The following LYZL4 variants were observed in gnomAD, a reference collection of about 807,000 sequenced individuals.
LYZL4 encodes the protein lysozyme-like protein 4.
LYZL4 carries 13 observed loss-of-function variants against 17.6 expected under a neutral mutation model. The ratio of observed to expected loss-of-function variants is 0.74; its 90% CI spans 0.48 to 1.18. The LOEUF is 1.18. Ranked by LOEUF, LYZL4 falls within the 50% of genes most tolerant of loss-of-function variation. The pLI is 0.00. For missense variants in LYZL4, 174 were observed against 188.2 expected (o/e 0.92, Z 0.44); for synonymous variants, 64 against 67.7 (o/e 0.95, Z 0.27).
the LYZL4 span, among the ~76,000 whole-genome samples, chr3:42,380,431 A>T: frequency 6.6e-6 from 1 of 152,230 alleles, no homozygotes; most frequent in African/African-American, 2.4e-5. Context: ...CAGCCCTTGC[A>T]TTTACCAAGT....
At position 42,399,660 on chromosome 3, in the gene LYZL4, A is replaced by C. The variant is rs1189084050; in HGVS notation, c.372-2326T>G. Among the ~76,000 whole-genome samples the C allele has an allele frequency of 2.0e-5, 3 of 152,176 alleles. No individual in the cohort carries two copies. The East Asian group carries it at 5.8e-4, about 29-fold the overall frequency. On this transcript the variant is annotated intron_variant, in intron 4 of 4. Coordinates refer to ENST00000287748, the MANE Select transcript of LYZL4 (RefSeq NM_144634.4). Reference sequence around the variant, plus strand: ...TTTTCTCTGATTTCTAAGAATATTAACACTGGTGCCCTTGAGGAGGCTGCT... The same window carrying C: ...TTTTCTCTGATTTCTAAGAATATTACCACTGGTGCCCTTGAGGAGGCTGCT...
chr3:42,378,972 G>A, the LYZL4 span, among the ~76,000 whole-genome samples: 1 of 152,126 alleles, frequency 6.6e-6, no homozygotes. Flanking sequence ...CAGAGCTTAA[G>A]TGCTTAATCT....
chr3:42,363,294 T>C, the LYZL4 span, among the ~76,000 whole-genome samples: 2 of 152,182 alleles, frequency 1.3e-5, no homozygotes, highest in East Asian at 3.8e-4. Flanking sequence ...AATTTGGGTC[T>C]AATGTTGGGT....
the LYZL4 span, among the ~76,000 whole-genome samples, chr3:42,379,259 C>G: frequency 1.3e-5 from 2 of 152,188 alleles, no homozygotes; most frequent in Non-Finnish European, 2.9e-5. Context: ...GCTGTTCATT[C>G]TTCTCCACTT....
the LYZL4 span, among the ~76,000 whole-genome samples, chr3:42,374,234 G>A: frequency 1.3e-5 from 2 of 152,310 alleles, no homozygotes; most frequent in African/African-American, 2.4e-5. Flanking sequence ...GGCACTGAAA[G>A]GTTGATCGAT....
chr3:42,366,116 G>A, the LYZL4 span, among the ~76,000 whole-genome samples: 1 of 152,012 alleles, frequency 6.6e-6, no homozygotes, highest in Non-Finnish European at 1.5e-5. Context: ...CAGGCCACTA[G>A]ATAAAAGGCC....
chr3:42,397,544 C>T (rs1391245259), intron 4 of LYZL4, among the ~76,000 whole-genome samples: 1 of 152,204 alleles, frequency 6.6e-6, no homozygotes, highest in Non-Finnish European at 1.5e-5. Flanking sequence ...CTTCCTCCAT[C>T]CTAGTGCCCA....
the LYZL4 span, among the ~76,000 whole-genome samples, chr3:42,389,433 C>T: frequency 5.0e-4 from 76 of 152,286 alleles, no homozygotes; most frequent in Non-Finnish European, 8.7e-4. Flanking sequence ...GCACCACAGG[C>T]GCAATGGTAA....
the LYZL4 span, among the ~76,000 whole-genome samples, chr3:42,380,206 C>A: frequency 1.3e-5 from 2 of 152,236 alleles, no homozygotes; most frequent in African/African-American, 2.4e-5. Context: ...GATTCATCAC[C>A]TATGGCTAGG....
chr3:42,407,895 C>T (rs1698787971), intron 1 of LYZL4, among the ~76,000 whole-genome samples: 1 of 152,112 alleles, frequency 6.6e-6, no homozygotes, highest in African/African-American at 2.4e-5. Context: ...ATGAGACAAG[C>T]CCAGACCTGC....
the LYZL4 span, among the ~76,000 whole-genome samples, chr3:42,372,360 T>G: frequency 6.6e-6 from 1 of 152,134 alleles, no homozygotes; most frequent in Non-Finnish European, 1.5e-5. Flanking sequence ...GTCTGACATA[T>G]AGTGATGGTT....
At chr3:42,393,740 G>A (rs546856220), downstream of LYZL4, among the ~76,000 whole-genome samples, 1 of 152,298 alleles carries the variant, frequency 6.6e-6, no homozygotes, top group African/African-American at 2.4e-5. Context: ...TATGGATTCA[G>A]TAGGTCAGAC....
the LYZL4 span, among the ~76,000 whole-genome samples, chr3:42,388,408 G>A: frequency 1.7e-4 from 26 of 152,196 alleles, no homozygotes; most frequent in African/African-American, 5.8e-4. Flanking sequence ...CACGGCTGGT[G>A]AGCAACAGCA....
At chr3:42,406,281 G>A (rs544108914) in intron 3 of LYZL4, among the ~76,000 whole-genome samples, 8 of 152,038 alleles carry the variant, frequency 5.3e-5, no homozygotes, top group South Asian at 2.1e-4. Flanking sequence ...GTGAAACTCC[G>A]TCTCTACTAA....
the LYZL4 span, among the ~76,000 whole-genome samples, chr3:42,389,664 G>A: frequency 2.6e-5 from 4 of 152,232 alleles, no homozygotes; most frequent in Non-Finnish European, 5.9e-5. Flanking sequence ...TGATCTGAAC[G>A]GGCTACTGTG....
chr3:42,404,182 G>T, intron 3 of LYZL4, 58 bp from the exon 4 acceptor site: 2 of 1,147,304 alleles, frequency 1.7e-6, no homozygotes, highest in Non-Finnish European at 2.6e-6. Context: ...AAGTTAGAGT[G>T]ATGTCAGGGA....
intron 1 of LYZL4, among the ~76,000 whole-genome samples, chr3:42,409,870 C>G (rs1698831103): frequency 6.6e-6 from 1 of 152,230 alleles, no homozygotes. Context: ...CCTCTCCAGT[C>G]TGAATTTACA....
At chr3:42,370,402 T>C in the LYZL4 span, among the ~76,000 whole-genome samples, 1 of 152,182 alleles carries the variant, frequency 6.6e-6, no homozygotes, top group Non-Finnish European at 1.5e-5. Flanking sequence ...AATATTCTTC[T>C]GTGGTTTGGC....
At chr3:42,385,699 C>T in the LYZL4 span, among the ~76,000 whole-genome samples, 129,172 of 152,152 alleles carry the variant, frequency 0.85, 55,075 homozygotes, top group East Asian at 0.92. Flanking sequence ...CTTTCTAGCC[C>T]TGTGGACTCT....
Sources: allele counts gnomAD v4.1 joint callset (sites outside exome capture counted in the v4.1 genomes callset), GRCh38; gene constraint gnomAD v4.1.1; transcripts MANE v1.5; gene names NCBI Gene and HGNC (gene_info 2026-07-23, HGNC 2026-07-21).